LRRTM4: variants seen among roughly 807,000 people sequenced by gnomAD.
LRRTM4 encodes leucine rich repeat transmembrane neuronal 4.
A neutral mutation model predicts 47.6 loss-of-function variants in LRRTM4; 25 were observed. The observed-to-expected ratio is 0.53, with a 90% CI of 0.38 to 0.73. The LOEUF is 0.73. Ranked by LOEUF, LRRTM4 falls within the 30% of genes least tolerant of loss-of-function variation. The pLI is 0.00. For missense variants in LRRTM4, 638 were observed against 713.4 expected, an observed-to-expected ratio of 0.89 and a Z score of 1.20; for synonymous variants, 311 against 269.5, an observed-to-expected ratio of 1.15 and a Z score of -1.51.
intron 3 of LRRTM4, among the ~76,000 whole-genome samples, chr2:77,200,386 AT>A (rs895932316): frequency 6.6e-5 from 10 of 152,138 alleles, no homozygotes; most frequent in Non-Finnish European, 1.2e-4. Context: ...ATTTAAATAC[AT>A]TTATATATGT....
intron 3 of LRRTM4, among the ~76,000 whole-genome samples, chr2:77,036,126 C>G (rs970739942): frequency 1.3e-5 from 2 of 151,530 alleles, no homozygotes; most frequent in Non-Finnish European, 3.0e-5. Context: ...TGCTTGCAGA[C>G]ATAATGTAGA....
chr2:77,009,087 T>C (rs1349412695), intron 3 of LRRTM4: 1 of 152,022 alleles, frequency 6.6e-6, no homozygotes, highest in African/African-American at 2.4e-5. Flanking sequence ...GAGCACACCA[T>C]CATGAGAATT....
chr2:77,085,882 T>C (rs1395924193), intron 3 of LRRTM4, among the ~76,000 whole-genome samples: 2 of 152,166 alleles, frequency 1.3e-5, no homozygotes, highest in Non-Finnish European at 2.9e-5. Context: ...AGATTTCCTG[T>C]TGGCCTATTT....
intron 3 of LRRTM4, among the ~76,000 whole-genome samples, chr2:76,767,778 C>G (rs1003655869): frequency 6.6e-6 from 1 of 152,082 alleles, no homozygotes. Flanking sequence ...TTTTTACATG[C>G]CTCTTCACAT....
At chr2:76,801,775 C>T (rs112675161) in intron 3 of LRRTM4, among the ~76,000 whole-genome samples, 2 of 152,150 alleles carry the variant, frequency 1.3e-5, no homozygotes, top group African/African-American at 2.4e-5. Flanking sequence ...TCATTCACCA[C>T]GATCAAATGA....
intron 3 of LRRTM4, among the ~76,000 whole-genome samples, chr2:76,795,355 T>C (rs1418761810): frequency 3.9e-5 from 6 of 152,172 alleles, no homozygotes; most frequent in African/African-American, 1.2e-4. Flanking sequence ...TCTATATCCA[T>C]GAATTTAACC....
chr2:76,807,480 A>G (rs1425287835), intron 3 of LRRTM4, among the ~76,000 whole-genome samples: 6 of 136,964 alleles, frequency 4.4e-5, no homozygotes, highest in African/African-American at 8.9e-5. Context: ...ACATATATAT[A>G]TATATACATA....
In LRRTM4 at chr2:77,344,173, A is replaced by T. The variant is rs149699032; in HGVS notation, c.1551+174145T>A. On this transcript the variant is annotated intron_variant, in intron 3 of 3. Coordinates refer to ENST00000409884, the MANE Select transcript of LRRTM4 (RefSeq NM_001134745.3). ...AACATAATATTAACATATTCAAGAA[A>T]CAAGTCAAAAGAACATGAAAAATAA... Among the ~76,000 whole-genome samples the T allele has an allele frequency of 1.1e-4, 17 of 151,952 alleles. No individual in the cohort carries two copies. In the East Asian group the frequency reaches 2.9e-3, roughly 26 times the overall value.
intron 3 of LRRTM4, among the ~76,000 whole-genome samples, chr2:77,456,865 T>C (rs1271359397): frequency 6.6e-6 from 1 of 150,790 alleles, no homozygotes; most frequent in African/African-American, 2.4e-5. Context: ...TCATTTTCCC[T>C]CATCTTCCAA....
chr2:76,850,831 TA>T (rs1671970979), intron 3 of LRRTM4, among the ~76,000 whole-genome samples: 1 of 152,220 alleles, frequency 6.6e-6, no homozygotes, highest in South Asian at 2.1e-4. Context: ...TGTGAATCCT[TA>T]AAAATGAGAG....
At chr2:77,017,011 A>G (rs1446449421) in intron 3 of LRRTM4, among the ~76,000 whole-genome samples, 1 of 152,042 alleles carries the variant, frequency 6.6e-6, no homozygotes, top group African/African-American at 2.4e-5. Flanking sequence ...TTCCCTTTCA[A>G]TTATACTCAG....
chr2:77,005,936 TTACA>T (rs1677626417), intron 3 of LRRTM4, among the ~76,000 whole-genome samples: 2 of 152,256 alleles, frequency 1.3e-5, no homozygotes, highest in Middle Eastern at 3.4e-3. Context: ...TGTCCTTATT[TTACA>T]TACAGAGAAA....
intron 3 of LRRTM4, among the ~76,000 whole-genome samples, chr2:77,510,341 G>A (rs752055186): frequency 6.6e-6 from 1 of 152,056 alleles, no homozygotes; most frequent in Middle Eastern, 3.2e-3. Context: ...TGTGTCTTCA[G>A]GAAGGAGGGA....
chr2:76,823,937 TTA>T (rs1468969439), intron 3 of LRRTM4, among the ~76,000 whole-genome samples: 2 of 151,506 alleles, frequency 1.3e-5, no homozygotes, highest in Non-Finnish European at 3.0e-5. Flanking sequence ...ATAAATAACA[TTA>T]TAAACCATTC....
chr2:76,871,841 C>T (rs1046726119), intron 3 of LRRTM4, among the ~76,000 whole-genome samples: 3 of 152,192 alleles, frequency 2.0e-5, no homozygotes, highest in African/African-American at 4.8e-5. Context: ...TGAAGACTAC[C>T]TCTGACAGCC....
intron 3 of LRRTM4, among the ~76,000 whole-genome samples, chr2:76,870,121 TTTTA>T (rs1433289022): frequency 6.6e-6 from 1 of 152,208 alleles, no homozygotes; most frequent in Non-Finnish European, 1.5e-5. Flanking sequence ...AGGATTCTTC[TTTTA>T]TTTCTCACCA....
chr2:76,773,640 T>G (rs1176480332), intron 3 of LRRTM4, among the ~76,000 whole-genome samples: 2 of 151,712 alleles, frequency 1.3e-5, no homozygotes, highest in East Asian at 1.9e-4. Flanking sequence ...AATAAATTAT[T>G]AAAATTCCCC....
At chr2:77,163,965 A>C (rs886505053) in intron 3 of LRRTM4, among the ~76,000 whole-genome samples, 2 of 152,132 alleles carry the variant, frequency 1.3e-5, no homozygotes, top group African/African-American at 4.8e-5. Flanking sequence ...AATAATATTA[A>C]CCTTAAATGT....
At chr2:77,179,464 T>C (rs1673290834) in intron 3 of LRRTM4, among the ~76,000 whole-genome samples, 1 of 152,124 alleles carries the variant, frequency 6.6e-6, no homozygotes, top group African/African-American at 2.4e-5. Context: ...TAATATTATG[T>C]GAGGTTTAGT....
Sources: allele counts gnomAD v4.1 joint callset (sites outside exome capture counted in the v4.1 genomes callset), GRCh38; gene constraint gnomAD v4.1.1; transcripts MANE v1.5; gene names NCBI Gene and HGNC (gene_info 2026-07-23, HGNC 2026-07-21).